Variants in DNM3 observed in about 807,000 individuals in gnomAD.
The protein encoded by DNM3 is dynamin 3.
Under a neutral mutation model 101.6 loss-of-function variants are expected in DNM3, and 47 were observed. That is an observed-to-expected ratio of 0.46 (90% CI 0.37 to 0.59). The LOEUF (loss-of-function observed/expected upper bound fraction) is 0.59. DNM3 is among the 20% of genes least tolerant of loss of function. The probability of loss-of-function intolerance (pLI) is 0.00; values close to 1 mark genes in which losing one functional copy is unlikely to be tolerated. For missense variants in DNM3, 849 were observed against 1,085.7 expected (o/e 0.78, Z 3.06); for synonymous variants, 385 against 387.9 (o/e 0.99, Z 0.09).
At chr1:171,901,421 G>A (rs1437842924) in intron 1 of DNM3, among the ~76,000 whole-genome samples, 1 of 152,076 alleles carries the variant, frequency 6.6e-6, no homozygotes, top group Non-Finnish European at 1.5e-5. Context: ...CCCTTGCACA[G>A]AGCCCACTCA....
chr1:171,872,460 G>A (rs7543247), intron 1 of DNM3, among the ~76,000 whole-genome samples: 11,902 of 152,162 alleles, frequency 0.078, 701 homozygotes, highest in South Asian at 0.23. Flanking sequence ...GTAGTGCTAG[G>A]CATATTGGAC....
intron 18 of DNM3, among the ~76,000 whole-genome samples, chr1:172,384,584 T>C (rs2069090817): frequency 6.6e-6 from 1 of 152,210 alleles, no homozygotes; most frequent in Admixed American, 6.5e-5. Context: ...TATTGCACAG[T>C]AGGCAAGTTC....
chr1:171,967,979 T>C (rs897601137), intron 2 of DNM3, among the ~76,000 whole-genome samples: 2 of 152,208 alleles, frequency 1.3e-5, no homozygotes, highest in Admixed American at 1.3e-4. Flanking sequence ...CTTTTTCTCC[T>C]ACTAAACTGC....
intron 20 of DNM3, among the ~76,000 whole-genome samples, chr1:172,399,317 G>A (rs2070280243): frequency 6.6e-6 from 1 of 152,106 alleles, no homozygotes; most frequent in African/African-American, 2.4e-5. Flanking sequence ...GTTTTTCAAG[G>A]CGTTTCAAAT....
intron 12 of DNM3, among the ~76,000 whole-genome samples, chr1:172,086,193 C>A (rs1042132613): frequency 1.3e-5 from 2 of 152,092 alleles, no homozygotes; most frequent in African/African-American, 4.8e-5. Flanking sequence ...GTAAGTGATT[C>A]TTCTTTTGCA....
chr1:171,910,468 G>T (rs2039205112), intron 1 of DNM3, among the ~76,000 whole-genome samples: 1 of 152,128 alleles, frequency 6.6e-6, no homozygotes, highest in Non-Finnish European at 1.5e-5. Context: ...TACTATCTGT[G>T]GTTTCAGGCA....
chr1:172,354,116 A>AGG (rs2067326983), intron 17 of DNM3, among the ~76,000 whole-genome samples: 1 of 142,262 alleles, frequency 7.0e-6, no homozygotes, highest in Non-Finnish European at 1.5e-5. Context: ...TGTGTGTGAG[A>AGG]GAGAGAGAGA....
chr1:172,064,429 A>T (rs1226248635), intron 10 of DNM3, among the ~76,000 whole-genome samples: 1 of 152,184 alleles, frequency 6.6e-6, no homozygotes, highest in East Asian at 1.9e-4. Context: ...GAGGTGAGGG[A>T]TTGAATTGAG....
chr1:172,396,427 T>G (rs906744255), intron 20 of DNM3, among the ~76,000 whole-genome samples: 47 of 152,340 alleles, frequency 3.1e-4, no homozygotes, highest in Middle Eastern at 3.4e-3. Flanking sequence ...GTATAAGCAC[T>G]CTTCTTAAAT....
chr1:172,301,047 T>C (rs938092000), intron 15 of DNM3, among the ~76,000 whole-genome samples: 3 of 152,192 alleles, frequency 2.0e-5, no homozygotes, highest in Admixed American at 2.0e-4. Flanking sequence ...ACATGGGCCT[T>C]CTGAGTTTAG....
At chr1:172,324,424 G>A (rs2065858574) in intron 17 of DNM3, among the ~76,000 whole-genome samples, 1 of 152,150 alleles carries the variant, frequency 6.6e-6, no homozygotes, top group South Asian at 2.1e-4. Flanking sequence ...GACATACATG[G>A]TTGGTATTGA....
At chr1:171,918,653 C>G (rs1571606537) in intron 1 of DNM3, among the ~76,000 whole-genome samples, 1 of 152,150 alleles carries the variant, frequency 6.6e-6, no homozygotes, top group East Asian at 1.9e-4. Flanking sequence ...AGTGGTAGGA[C>G]TGGTGAGAGC....
In DNM3 at chr1:171,976,889, G is replaced by T. The variant is rs58977056; in HGVS notation, c.236-10767G>T. ...ATCTCATTTATAAATTTTGTTCCTT[G>T]TGGCCAAGATTCTGTGGGGAAACAG... On this transcript the variant is annotated intron_variant, in intron 2 of 20. Transcript: ENST00000627582. Among the ~76,000 whole-genome samples the T allele has an allele frequency of 8.1e-3, 1,238 of 152,032 alleles. 21 individuals carry two copies. The highest frequency in any genetic ancestry group is 0.028 in the African/African-American group (1,157 of 41,468).
intron 13 of DNM3, among the ~76,000 whole-genome samples, chr1:172,117,468 C>T (rs973858470): frequency 6.6e-6 from 1 of 152,094 alleles, no homozygotes; most frequent in Non-Finnish European, 1.5e-5. Flanking sequence ...GAGTAAGTCT[C>T]TCAAAATCTG....
At chr1:171,925,898 G>T (rs1391622112) in intron 2 of DNM3, among the ~76,000 whole-genome samples, 1 of 152,120 alleles carries the variant, frequency 6.6e-6, no homozygotes, top group Admixed American at 6.5e-5. Context: ...TGAGAGATAG[G>T]GGTCCAGTTA....
chr1:172,069,734 AACAT>A (rs1399100138), intron 11 of DNM3, among the ~76,000 whole-genome samples: 24 of 152,236 alleles, frequency 1.6e-4, no homozygotes, highest in African/African-American at 4.6e-4. Context: ...GCCACAAAAT[AACAT>A]CATGTTCTTG....
intron 2 of DNM3, among the ~76,000 whole-genome samples, chr1:171,968,925 G>T (rs1006928716): frequency 6.6e-6 from 1 of 152,132 alleles, no homozygotes; most frequent in Non-Finnish European, 1.5e-5. Flanking sequence ...AACTTTAGTG[G>T]TTACAGCTGA....
At chr1:172,247,716 C>T (rs1013045819) in intron 14 of DNM3, among the ~76,000 whole-genome samples, 35 of 149,638 alleles carry the variant, frequency 2.3e-4, no homozygotes, top group Non-Finnish European at 1.5e-4. Context: ...GACAGTTTCG[C>T]TCTTGTCACC....
At chr1:171,853,288 C>T (rs150283418) in intron 1 of DNM3, among the ~76,000 whole-genome samples, 8 of 152,116 alleles carry the variant, frequency 5.3e-5, no homozygotes, top group African/African-American at 1.9e-4. Flanking sequence ...CTCAGCCTTC[C>T]GAGTAGCTGA....
Sources: gnomAD v4.1 joint callset for allele counts (sites outside exome capture counted in the v4.1 genomes callset) on GRCh38, gnomAD v4.1.1 for gene constraint, MANE v1.5 for transcripts, NCBI Gene and HGNC (gene_info 2026-07-23, HGNC 2026-07-21) for gene names.